RPGRIP1: variants seen among roughly 807,000 people sequenced by gnomAD.
RPGRIP1 encodes the protein RPGR interacting protein 1, also known as X-linked retinitis pigmentosa GTPase regulator-interacting protein 1.
Under a neutral mutation model 157.9 loss-of-function variants are expected in RPGRIP1, and 128 were observed. That is an observed-to-expected ratio of 0.81 (90% CI 0.70 to 0.94). RPGRIP1 has a LOEUF of 0.94. RPGRIP1 is among the 40% of genes least tolerant of loss of function. The pLI is 0.00. For synonymous variants in RPGRIP1, 554 were observed against 571.6 expected (o/e 0.97, Z 0.44); for missense variants, 1,486 against 1,545.8 (o/e 0.96, Z 0.65).
rs749943816 is a variant in RPGRIP1, at chr14:21,294,701, C to A, written c.110C>A (p.Pro37His). 2.5e-6 allele frequency: 4 copies of A among 1,613,560 alleles called. No individual in the cohort carries two copies. The highest frequency in any genetic ancestry group is 4.5e-5 in the East Asian group (2 of 44,874). ...GGTAAGAATATGAAAACTCAACCAC[C>A]CTTGAGCAGGATGAACCGGGAGGAA... ...SKGKNMKTQP[P>H]LSRMNREELE... The change falls in exon 3 of 25, where the codon CCC becomes CAC. Residue 37 changes from proline (P) to histidine (H), a missense_variant. Pro to His is a moderately conservative substitution (Grantham distance 77, BLOSUM62 -2). Transcript: ENST00000400017.
At chr14:21,292,273 G>C (rs1273402240) in intron 2 of RPGRIP1, among the ~76,000 whole-genome samples, 2 of 151,488 alleles carry the variant, frequency 1.3e-5, no homozygotes, top group Admixed American at 6.6e-5. Flanking sequence ...TACCTTCCTA[G>C]TTGACCTAGC....
At chr14:21,282,640 C>T (rs1213589916) in intron 1 of RPGRIP1, among the ~76,000 whole-genome samples, 5 of 122,246 alleles carry the variant, frequency 4.1e-5, no homozygotes, top group East Asian at 2.5e-4. Context: ...GACAGAGTCT[C>T]GCTCTGTCTC....
chr14:21,337,253 A>C (rs2139302968), intron 21 of RPGRIP1, among the ~76,000 whole-genome samples: 1 of 152,274 alleles, frequency 6.6e-6, no homozygotes, highest in East Asian at 1.9e-4. Flanking sequence ...AACCTCTATT[A>C]GGCCTTGTCT....
chr14:21,301,701 T>C (rs1417497634), intron 4 of RPGRIP1, among the ~76,000 whole-genome samples: 1 of 114,618 alleles, frequency 8.7e-6, no homozygotes, highest in African/African-American at 3.5e-5. Context: ...ATAATAATAA[T>C]AATAATAATA....
chr14:21,326,014 G>A lies in RPGRIP1; in HGVS notation c.2551G>A (p.Ala851Thr). 6.2e-7 allele frequency: 1 copy of A among 1,613,976 alleles called. No individual in the cohort carries two copies. Among genetic ancestry groups the A allele is most frequent in the Admixed American group, 1.7e-5 (1 of 60,018 alleles). The change falls in exon 17 of 25, where the codon GCT (alanine) becomes ACT (threonine). Residue 851 changes from alanine to threonine, a missense_variant. Ala to Thr is a moderately conservative substitution (Grantham distance 58). Coordinates refer to ENST00000400017, the MANE Select transcript of RPGRIP1 (RefSeq NM_020366.4). ...ASNNPYFRDQ[A>T]RFPVLVTSDL... ...TAACAACCCCTACTTTAGAGACCAG[G>A]CTCGATTCCCAGTGCTTGTGACCTC...
intron 16 of RPGRIP1, 180 bp from the exon 17 acceptor site, chr14:21,325,651 T>A (rs1882999279): frequency 1.6e-6 from 1 of 638,810 alleles, no homozygotes; most frequent in African/African-American, 1.8e-5. Flanking sequence ...AGTGCCAGTA[T>A]CTCCCTGAAA....
In RPGRIP1 at chr14:21,303,437, A is replaced by G. The variant is rs1881125913; in HGVS notation, c.694A>G (p.Met232Val). The change falls in exon 6 of 25, where the codon ATG becomes GTG. Residue 232 changes from methionine to valine, a missense_variant. Coordinates refer to ENST00000400017, the MANE Select transcript of RPGRIP1 (RefSeq NM_020366.4). The stretch of plus-strand genomic sequence containing the variant: ...TGCCCACATCATGGCCAGCAATACC[A>G]TGCAAGTGGAAGAGCCACCCAAGTC... ...NSAHIMASNTMQVEEPPKSPE... is the reference protein window; with the variant it reads ...NSAHIMASNTVQVEEPPKSPE... The G allele has an allele frequency of 1.2e-6, 2 of 1,613,928 alleles. No individual in the cohort carries two copies. Among genetic ancestry groups the G allele is most frequent in the African/African-American group, 1.3e-5 (1 of 75,052 alleles).
chr14:21,343,285 G>C, intron 22 of RPGRIP1, 57 bp downstream of exon 22: 1 of 1,334,234 alleles, frequency 7.5e-7, no homozygotes, highest in South Asian at 1.3e-5. Context: ...TTGAGACTGA[G>C]GGTCAGAATT....
chr14:21,286,234 G>C (rs1368976474), intron 1 of RPGRIP1, among the ~76,000 whole-genome samples: 1 of 151,742 alleles, frequency 6.6e-6, no homozygotes, highest in African/African-American at 2.4e-5. Flanking sequence ...CGGGCGATCC[G>C]CCCGCCTCAA....
At position 21,324,849 on chromosome 14, in the gene RPGRIP1, G is replaced by C. The variant is rs1446549542; in HGVS notation, c.1994G>C (p.Cys665Ser). 11 of 1,613,950 alleles carry C rather than the reference G, an allele frequency of 6.8e-6. No individual in the cohort carries two copies. Among genetic ancestry groups the C allele is most frequent in the African/African-American group, 1.3e-5 (1 of 75,044 alleles). ...TCCTTCTATGACTTTGAAACCCACT[G>C]TACCCCATTATCTGTGGGGCCACAG... ...TYSFYDFETH[C>S]TPLSVGPQPL... Residue 665 changes from cysteine to serine, a missense_variant, in exon 15 of 25, where the codon TGT becomes TCT. By Grantham distance (112) the Cys-to-Ser change is moderately radical (BLOSUM62 -1). Coordinates refer to ENST00000400017, the MANE Select transcript of RPGRIP1 (RefSeq NM_020366.4).
At chr14:21,280,992 G>A (rs142789066) in intron 1 of RPGRIP1, among the ~76,000 whole-genome samples, 73 of 151,780 alleles carry the variant, frequency 4.8e-4, no homozygotes, top group East Asian at 3.9e-4. Context: ...TATATATAGA[G>A]AGAGTGGAAA....
chr14:21,344,249 C>T (rs937988345), intron 22 of RPGRIP1, among the ~76,000 whole-genome samples: 3 of 152,024 alleles, frequency 2.0e-5, no homozygotes, highest in Non-Finnish European at 2.9e-5. Flanking sequence ...TTTCTTTACA[C>T]GTATTTTTTG....
intron 1 of RPGRIP1, among the ~76,000 whole-genome samples, chr14:21,281,022 CTT>C (rs770674526): frequency 5.7e-5 from 8 of 139,238 alleles, no homozygotes; most frequent in Non-Finnish European, 9.4e-5. Context: ...TTGGGCTTTT[CTT>C]TTTTTTTTTT....
In RPGRIP1 at chr14:21,282,906, G is replaced by A. The variant is rs148708732; in HGVS notation, c.-39+2747G>A. Among the ~76,000 whole-genome samples, 13 of 151,870 alleles carry A rather than the reference G, an allele frequency of 8.6e-5. No homozygotes were observed. The South Asian group carries it at 1.7e-3, about 19-fold the overall frequency. On this transcript the variant is annotated intron_variant, in intron 1 of 24. Transcript: ENST00000400017. ...ATTACAGGCGTGAGCCACTGTGCCC[G>A]GCCTACATTCCACTTTTTCATTCCT...
At chr14:21,292,666 A>G (rs921318943) in intron 2 of RPGRIP1, among the ~76,000 whole-genome samples, 1 of 151,606 alleles carries the variant, frequency 6.6e-6, no homozygotes, top group Non-Finnish European at 1.5e-5. Context: ...ACATGGTGAA[A>G]CCTCATTTCT....
rs1438044982 is a variant in RPGRIP1, at chr14:21,303,649, A to C, written c.800+106A>C. Reference sequence around the variant, plus strand: ...TCAGAGGAAAAGAGTGTTTGGGATTAAATTCAATCGGAGTAGTAGACACGG... The same window carrying C: ...TCAGAGGAAAAGAGTGTTTGGGATTCAATTCAATCGGAGTAGTAGACACGG... On this transcript the variant is annotated intron_variant, in intron 6 of 24. Coordinates refer to ENST00000400017, the MANE Select transcript of RPGRIP1 (RefSeq NM_020366.4). 3.5e-6 allele frequency: 3 copies of C among 866,160 alleles called. No individual in the cohort carries two copies. In the African/African-American group the frequency reaches 5.0e-5, roughly 15 times the overall value. The allele number at this position is 866,160 out of a possible 1,614,324, so 53.7% of individuals were successfully genotyped here.
intron 10 of RPGRIP1, among the ~76,000 whole-genome samples, chr14:21,314,082 G>A (rs10142653): frequency 0.54 from 81,805 of 151,362 alleles, 22,149 homozygotes; most frequent in South Asian, 0.62. Flanking sequence ...CAAGGAGCTG[G>A]GACCACAGGT....
At chr14:21,329,721 C>G (rs1006910306) in intron 19 of RPGRIP1, among the ~76,000 whole-genome samples, 2 of 151,044 alleles carry the variant, frequency 1.3e-5, no homozygotes, top group African/African-American at 2.4e-5. Flanking sequence ...AGGCTGGTCT[C>G]CTGACCTCAG....
rs1168922642 is a variant in RPGRIP1 at position 21,351,113 on chromosome 14, C to G, written c.3758C>G (p.Pro1253Arg). The G allele has an allele frequency of 6.2e-7, 1 of 1,605,412 alleles. No individual in the cohort carries two copies. The highest frequency in any genetic ancestry group is 1.3e-5 in the African/African-American group (1 of 74,790). The change falls in exon 25 of 25, where the codon CCT becomes CGT. Residue 1253 changes from proline to arginine, a missense_variant. Physicochemically the swap from Pro to Arg is moderately radical, Grantham distance 103 (BLOSUM62 -2). Transcript: ENST00000400017. ...TTCCCTTTCCCAACAGTTGTTAGCC[C>G]TGAAGATCTGGCTACCCCAATAGGA... ...ILEQELDIVS[P>R]EDLATPIGRL...
Sources: gnomAD v4.1 joint callset for allele counts (sites outside exome capture counted in the v4.1 genomes callset) on GRCh38, gnomAD v4.1.1 for gene constraint, MANE v1.5 for transcripts, NCBI Gene and HGNC (gene_info 2026-07-23, HGNC 2026-07-21) for gene names.